Variants in PDE4D observed in about 807,000 individuals in gnomAD.
PDE4D encodes the protein 3',5'-cyclic-AMP phosphodiesterase 4D.
PDE4D carries 24 observed loss-of-function variants against 87.4 expected under a neutral mutation model. The observed-to-expected ratio is 0.27, with a 90% CI of 0.20 to 0.39. The LOEUF is 0.39. Among genes scored for constraint, PDE4D ranks in the 10% least tolerant of loss-of-function variants. The pLI is 1.00. For missense variants in PDE4D, 714 were observed against 1,041.0 expected (o/e 0.69, Z 4.32); for synonymous variants, 384 against 383.2 (o/e 1.00, Z -0.02).
chr5:59,887,669 C>T (rs1285107165), intron 1 of PDE4D, among the ~76,000 whole-genome samples: 1 of 152,026 alleles, frequency 6.6e-6, no homozygotes, highest in Non-Finnish European at 1.5e-5. Context: ...CCAAGACATG[C>T]CTCCAAACCC....
At chr5:59,534,964 T>C (rs560458775) in intron 1 of PDE4D, among the ~76,000 whole-genome samples, 2 of 152,126 alleles carry the variant, frequency 1.3e-5, no homozygotes, top group South Asian at 4.2e-4. Context: ...CTTGGGCTTC[T>C]TGTTAAGTAT....
At chr5:59,802,433 C>T (rs1767250490) in intron 1 of PDE4D, among the ~76,000 whole-genome samples, 2 of 131,416 alleles carry the variant, frequency 1.5e-5, no homozygotes, top group South Asian at 5.0e-4. Context: ...GAGTCTCACT[C>T]TGTTGCCCAG....
intron 5 of PDE4D, chr5:59,063,588 C>A (rs1763461269): frequency 6.6e-6 from 1 of 152,144 alleles, no homozygotes; most frequent in Admixed American, 6.6e-5. Context: ...ATGCTAGTAA[C>A]TTTTTGAGAT....
intron 2 of PDE4D, among the ~76,000 whole-genome samples, chr5:60,180,997 G>A (rs1784333977): frequency 6.6e-6 from 1 of 151,926 alleles, no homozygotes; most frequent in African/African-American, 2.4e-5. Context: ...CATCTAGGAA[G>A]GAATTTGTTA....
intron 1 of PDE4D, among the ~76,000 whole-genome samples, chr5:60,376,953 A>G (rs1331827381): frequency 6.6e-6 from 1 of 152,206 alleles, no homozygotes; most frequent in Non-Finnish European, 1.5e-5. Flanking sequence ...TTTCCTTTAT[A>G]GCAACATCGT....
intron 5 of PDE4D, among the ~76,000 whole-genome samples, chr5:59,049,321 C>A (rs2968019): frequency 6.6e-6 from 1 of 151,954 alleles, no homozygotes; most frequent in Non-Finnish European, 1.5e-5. Context: ...TATTTCCAAA[C>A]GAGATTCAAA....
intron 1 of PDE4D, among the ~76,000 whole-genome samples, chr5:59,467,877 A>C (rs1355913604): frequency 2.0e-5 from 3 of 152,254 alleles, no homozygotes; most frequent in Non-Finnish European, 4.4e-5. Flanking sequence ...TGAAGTTTAT[A>C]CATATATTCA....
At chr5:59,288,495 T>TA (rs1305238536) in intron 1 of PDE4D, among the ~76,000 whole-genome samples, 1 of 151,654 alleles carries the variant, frequency 6.6e-6, no homozygotes, top group Non-Finnish European at 1.5e-5. Context: ...TTATTGACCT[T>TA]AAAAAAAAGT....
At chr5:59,509,305 G>A (rs1217717488) in intron 1 of PDE4D, among the ~76,000 whole-genome samples, 5 of 151,622 alleles carry the variant, frequency 3.3e-5, no homozygotes, top group Admixed American at 1.3e-4. Flanking sequence ...TACCTTCCAA[G>A]TCTAAGCACA....
At chr5:59,478,134 C>T (rs1803637895) in intron 1 of PDE4D, among the ~76,000 whole-genome samples, 1 of 152,028 alleles carries the variant, frequency 6.6e-6, no homozygotes, top group Admixed American at 6.6e-5. Flanking sequence ...CTCCAAATCT[C>T]AGCATCATAC....
At chr5:60,155,906 C>T (rs1781932748) in intron 2 of PDE4D, among the ~76,000 whole-genome samples, 1 of 152,174 alleles carries the variant, frequency 6.6e-6, no homozygotes, top group African/African-American at 2.4e-5. Flanking sequence ...AGAGGCTGTG[C>T]TTTGGCTTGC....
At chr5:60,452,476 T>C (rs541583816) in intron 1 of PDE4D, among the ~76,000 whole-genome samples, 1 of 152,206 alleles carries the variant, frequency 6.6e-6, no homozygotes, top group Non-Finnish European at 1.5e-5. Context: ...GTATGTCTTA[T>C]CTTCATTCAC....
chr5:59,369,350 G>C (rs1288660823), intron 1 of PDE4D, among the ~76,000 whole-genome samples: 1 of 152,118 alleles, frequency 6.6e-6, no homozygotes, highest in Non-Finnish European at 1.5e-5. Context: ...TTTCAGAATA[G>C]TATATCAATC....
chr5:59,106,219 A>T (rs147700846), intron 5 of PDE4D, among the ~76,000 whole-genome samples: 80 of 152,298 alleles, frequency 5.3e-4, no homozygotes, highest in African/African-American at 1.9e-3. Flanking sequence ...GAAAGGTGTG[A>T]ACTACCTAAG....
At chr5:59,101,825 T>C (rs2153433866) in intron 5 of PDE4D, among the ~76,000 whole-genome samples, 1 of 151,910 alleles carries the variant, frequency 6.6e-6, no homozygotes, top group Non-Finnish European at 1.5e-5. Context: ...ATGCATACAA[T>C]AATAAGATAT....
chr5:59,895,453 A>G (rs954271107), upstream of PDE4D, among the ~76,000 whole-genome samples: 2 of 152,042 alleles, frequency 1.3e-5, no homozygotes, highest in Non-Finnish European at 2.9e-5. Context: ...CCTAAGCACC[A>G]CTCTCCACTG....
chr5:59,136,977 C>T (rs1416249008), intron 5 of PDE4D, among the ~76,000 whole-genome samples: 1 of 152,168 alleles, frequency 6.6e-6, no homozygotes, highest in Admixed American at 6.6e-5. Flanking sequence ...CTGAATGCCC[C>T]ACATCCCAGG....
intron 1 of PDE4D, among the ~76,000 whole-genome samples, chr5:60,342,396 TGGG>T: frequency 6.6e-6 from 1 of 152,240 alleles, no homozygotes; most frequent in African/African-American, 2.4e-5. Flanking sequence ...TTTGTGACCG[TGGG>T]GGAGGTTTAT....
At chr5:59,577,440 G>A (rs967386276) in intron 1 of PDE4D, among the ~76,000 whole-genome samples, 3 of 152,104 alleles carry the variant, frequency 2.0e-5, no homozygotes, top group Admixed American at 1.3e-4. Context: ...ACCTTTAATG[G>A]AAGAACAATT....
Sources: allele counts gnomAD v4.1 joint callset (sites outside exome capture counted in the v4.1 genomes callset), GRCh38; gene constraint gnomAD v4.1.1; transcripts MANE v1.5; gene names NCBI Gene and HGNC (gene_info 2026-07-23, HGNC 2026-07-21).